PDE10A: variants seen among roughly 807,000 people sequenced by gnomAD.
The protein encoded by PDE10A is phosphodiesterase 10A.
A neutral mutation model predicts 97.7 loss-of-function variants in PDE10A; 39 were observed. The ratio of observed to expected loss-of-function variants is 0.40; its 90% CI spans 0.31 to 0.52. PDE10A has a LOEUF of 0.52. Among genes scored for constraint, PDE10A ranks in the 20% least tolerant of loss-of-function variants. PDE10A has a pLI of 0.56. For missense variants in PDE10A, 731 were observed against 1,047.8 expected (o/e 0.70, Z 4.17); for synonymous variants, 371 against 376.8 (o/e 0.98, Z 0.18).
intron 1 of PDE10A, among the ~76,000 whole-genome samples, chr6:165,682,669 T>A (rs956391086): frequency 6.6e-6 from 1 of 152,172 alleles, no homozygotes; most frequent in Non-Finnish European, 1.5e-5. Context: ...CCCCTTGATC[T>A]CAGACTTCCC....
chr6:165,668,533 T>C (rs1790552567), intron 1 of PDE10A, among the ~76,000 whole-genome samples: 1 of 151,966 alleles, frequency 6.6e-6, no homozygotes, highest in African/African-American at 2.4e-5. Context: ...CCTTGGCATG[T>C]ATACAAGGGG....
intron 3 of PDE10A, among the ~76,000 whole-genome samples, chr6:165,478,439 T>C (rs1056350630): frequency 2.0e-5 from 3 of 152,078 alleles, no homozygotes; most frequent in Non-Finnish European, 4.4e-5. Flanking sequence ...ATTACAACCT[T>C]CTCCCTTTGA....
In PDE10A at chr6:165,464,205, A is replaced by T. The variant is rs115220703; in HGVS notation, c.1024-13843T>A. Among the ~76,000 whole-genome samples, 448 of 151,928 alleles carry T rather than the reference A, an allele frequency of 2.9e-3. 5 individuals are homozygous for T. Among genetic ancestry groups the T allele is most frequent in the African/African-American group, 0.01 (433 of 41,364 alleles). ...ATACATACACACACATACACACACA[A>T]ACACACACATAGGTATGTGTAAGCT... On this transcript the variant is annotated intron_variant, in intron 3 of 21. Transcript: ENST00000539869.
chr6:165,344,763 C>G (rs991129068), intron 18 of PDE10A, among the ~76,000 whole-genome samples: 3 of 152,150 alleles, frequency 2.0e-5, no homozygotes, highest in Non-Finnish European at 4.4e-5. Flanking sequence ...AAGGAATCAT[C>G]AGTTTTACTA....
chr6:165,672,122 C>G lies in PDE10A; in HGVS notation c.-614-128554G>C, dbSNP rs80277396. Among the ~76,000 whole-genome samples, 377 of 152,266 alleles carry G rather than the reference C, an allele frequency of 2.5e-3. 1 individual carries two copies. Among genetic ancestry groups the G allele is most frequent in the Middle Eastern group, 0.014 (4 of 294 alleles). On this transcript the variant is annotated intron_variant, in intron 1 of 19. Coordinates refer to the PDE10A transcript ENST00000366882. Reference sequence around the variant, plus strand: ...CTGAAAATTGTTCCTGTATTTACAACTTGATTTCATTGACAGTAAAGATTT... The same window carrying G: ...CTGAAAATTGTTCCTGTATTTACAAGTTGATTTCATTGACAGTAAAGATTT...
chr6:165,399,390 T>C (rs1317915159), intron 13 of PDE10A, among the ~76,000 whole-genome samples: 1 of 152,156 alleles, frequency 6.6e-6, no homozygotes, highest in Non-Finnish European at 1.5e-5. Context: ...AAACAAAGAA[T>C]AAAGGTAAAG....
At chr6:165,510,111 T>C (rs1197243790) in intron 2 of PDE10A, among the ~76,000 whole-genome samples, 1 of 152,076 alleles carries the variant, frequency 6.6e-6, no homozygotes, top group Non-Finnish European at 1.5e-5. Flanking sequence ...TTCAGTAGTA[T>C]GTTGAATAGG....
At chr6:165,437,927 T>C (rs1056168372) in intron 5 of PDE10A, among the ~76,000 whole-genome samples, 1 of 152,238 alleles carries the variant, frequency 6.6e-6, no homozygotes, top group Non-Finnish European at 1.5e-5. Context: ...TAGAATCACA[T>C]GTTTTGCAGA....
intron 1 of PDE10A, among the ~76,000 whole-genome samples, chr6:165,812,242 A>G (rs1779303599): frequency 2.0e-5 from 3 of 152,354 alleles, no homozygotes; most frequent in South Asian, 4.1e-4. Context: ...CTTACTGTCT[A>G]TCCACTCAGA....
At chr6:165,486,352 G>C (rs1779916751) in intron 2 of PDE10A, among the ~76,000 whole-genome samples, 1 of 152,202 alleles carries the variant, frequency 6.6e-6, no homozygotes, top group African/African-American at 2.4e-5. Context: ...CAGAGCAGCT[G>C]CCACGACTGG....
intron 2 of PDE10A, among the ~76,000 whole-genome samples, chr6:165,504,319 T>A (rs1272266776): frequency 6.6e-6 from 1 of 152,196 alleles, no homozygotes; most frequent in Non-Finnish European, 1.5e-5. Flanking sequence ...TACTATGATG[T>A]CTTTTATTAA....
intron 16 of PDE10A, among the ~76,000 whole-genome samples, chr6:165,389,455 G>A (rs1196395068): frequency 6.6e-6 from 1 of 152,186 alleles, no homozygotes; most frequent in Non-Finnish European, 1.5e-5. Flanking sequence ...TTGACTGTCA[G>A]AGTGTGAAAA....
chr6:165,631,168 T>A (rs1308949658), intron 1 of PDE10A, among the ~76,000 whole-genome samples: 4 of 152,234 alleles, frequency 2.6e-5, no homozygotes, highest in Admixed American at 2.6e-4. Flanking sequence ...AATAGGTTAA[T>A]CTTATTCAAT....
At chr6:165,468,484 G>A (rs556776187) in intron 3 of PDE10A, among the ~76,000 whole-genome samples, 12 of 152,140 alleles carry the variant, frequency 7.9e-5, no homozygotes, top group East Asian at 7.7e-4. Context: ...CTTTATATGC[G>A]CTGAGAAACC....
chr6:165,507,291 G>A (rs1299540877), intron 2 of PDE10A, among the ~76,000 whole-genome samples: 2 of 152,182 alleles, frequency 1.3e-5, no homozygotes, highest in Non-Finnish European at 2.9e-5. Flanking sequence ...CTAGAGTTCC[G>A]TTTGGAGTAG....
chr6:165,414,604 C>A (rs1788170404), intron 12 of PDE10A, among the ~76,000 whole-genome samples: 1 of 152,164 alleles, frequency 6.6e-6, no homozygotes, highest in Admixed American at 6.5e-5. Flanking sequence ...CCAGTTTGGG[C>A]AATTATAAAT....
chr6:165,472,643 G>T (rs1225480647), intron 3 of PDE10A, among the ~76,000 whole-genome samples: 2 of 152,022 alleles, frequency 1.3e-5, no homozygotes, highest in African/African-American at 4.8e-5. Context: ...TTTTCAAAAG[G>T]TCTTTCAGAT....
intron 2 of PDE10A, among the ~76,000 whole-genome samples, chr6:165,519,609 G>C (rs1288426206): frequency 6.6e-6 from 1 of 152,066 alleles, no homozygotes; most frequent in Admixed American, 6.6e-5. Flanking sequence ...TATTTGCCTT[G>C]CCTTGCTTCA....
intron 17 of PDE10A, among the ~76,000 whole-genome samples, chr6:165,382,950 A>G (rs543722655): frequency 2.5e-4 from 38 of 152,344 alleles, no homozygotes; most frequent in African/African-American, 8.2e-4. Flanking sequence ...AGTGTTGAAT[A>G]TAAGTACAAT....
Sources: gnomAD v4.1 joint callset for allele counts (sites outside exome capture counted in the v4.1 genomes callset) on GRCh38, gnomAD v4.1.1 for gene constraint, MANE v1.5 for transcripts, NCBI Gene and HGNC (gene_info 2026-07-23, HGNC 2026-07-21) for gene names.